The following CYP11A1 variants were observed in gnomAD, a reference collection of about 807,000 sequenced individuals.
CYP11A1 encodes cytochrome P450 family 11 subfamily A member 1.
Under a neutral mutation model 51.9 loss-of-function variants are expected in CYP11A1, and 25 were observed. The ratio of observed to expected loss-of-function variants is 0.48; its 90% CI spans 0.35 to 0.67. The LOEUF (loss-of-function observed/expected upper bound fraction) is 0.67, where lower values mean the gene tolerates loss of function less well. CYP11A1 is among the 30% of genes least tolerant of loss of function. The pLI is 0.00. For synonymous variants in CYP11A1, 245 were observed against 262.1 expected, an observed-to-expected ratio of 0.93 and a Z score of 0.63; for missense variants, 578 against 680.9, an observed-to-expected ratio of 0.85 and a Z score of 1.68.
chr15:74,347,566 A>T (rs751412396), intron 2 of CYP11A1, among the ~76,000 whole-genome samples: 1 of 152,180 alleles, frequency 6.6e-6, no homozygotes, highest in Non-Finnish European at 1.5e-5. Flanking sequence ...CTGTATCTCC[A>T]GTTCCTGGCA....
At position 74,345,145 on chromosome 15, in the gene CYP11A1, G is replaced by A; in HGVS notation, c.524C>T (p.Ser175Phe). ...KNFLPLLDAV[S>F]RDFVSVLHRR... ...GTGCAGGACACTGACGAAGTCCCGA[G>A]ACACTGCATCCAACAGGGGCAAAAA... Residue 175 changes from serine (S) to phenylalanine (F), a missense_variant, in exon 3 of 9, where the codon TCT becomes TTT. Transcript: ENST00000268053. This position sits in a 1 kb window ranked among gnomAD's most constrained non-coding sequence, Gnocchi z 4.3. The A allele has an allele frequency of 6.2e-7, 1 of 1,614,192 alleles. No homozygotes were observed. Among genetic ancestry groups the A allele is most frequent in the Non-Finnish European group, 8.5e-7 (1 of 1,180,036 alleles).
chr15:74,357,613 G>C (rs940805962), intron 1 of CYP11A1, among the ~76,000 whole-genome samples: 1 of 152,262 alleles, frequency 6.6e-6, no homozygotes, highest in South Asian at 2.1e-4. Context: ...AGCCCTAGAA[G>C]CTGCTCCCAC....
At chr15:74,359,994 T>C (rs2060699835) in intron 1 of CYP11A1, among the ~76,000 whole-genome samples, 1 of 152,250 alleles carries the variant, frequency 6.6e-6, no homozygotes, top group African/African-American at 2.4e-5. Context: ...TAATGCCTTT[T>C]AGTTCATGTG....
chr15:74,339,702 C>T lies in CYP11A1; in HGVS notation c.1042G>A (p.Val348Met), dbSNP rs2060597696. The T allele has an allele frequency of 1.9e-6, 3 of 1,614,132 alleles. No individual in the cohort carries two copies. Among genetic ancestry groups the T allele is most frequent in the Non-Finnish European group, 2.5e-6 (3 of 1,180,034 alleles). Residue 348 changes from valine (V) to methionine (M), a missense_variant, in exon 6 of 9, where the codon GTG becomes ATG. Transcript: ENST00000268053. ...HLYEMARNLK[V>M]QDMLRAEVLA... ...ACCTCTGCCCGCAGCATATCCTGCA[C>T]CTTCAGGTTGCGTGCCATCTCATAC...
chr15:74,340,832 A>G (rs901190076), intron 5 of CYP11A1, among the ~76,000 whole-genome samples: 2 of 151,902 alleles, frequency 1.3e-5, no homozygotes, highest in African/African-American at 4.8e-5. Flanking sequence ...CTGCTCCCCA[A>G]TACCCCACTC....
rs1031216597 is a variant in CYP11A1 at position 74,339,529 on chromosome 15, T to C, written c.1157+58A>G. ...TCCTCGTAACCCTTTCCCCGGGCACTTCCCTGGCCCTGCCCAGGGATTGGA... is the reference window on the plus strand; with the variant it reads ...TCCTCGTAACCCTTTCCCCGGGCACCTCCCTGGCCCTGCCCAGGGATTGGA... On this transcript the variant is annotated intron_variant, in intron 6 of 8. Coordinates refer to ENST00000268053, the MANE Select transcript of CYP11A1 (RefSeq NM_000781.3). 241 of 1,589,466 alleles carry C rather than the reference T, an allele frequency of 1.5e-4. 1 individual carries two copies. The highest frequency in any genetic ancestry group is 2.0e-4 in the Non-Finnish European group (232 of 1,162,522).
intron 5 of CYP11A1, among the ~76,000 whole-genome samples, chr15:74,341,198 A>C (rs1041760457): frequency 5.9e-5 from 9 of 152,208 alleles, no homozygotes; most frequent in African/African-American, 2.4e-5. Flanking sequence ...ATGAGGTAAC[A>C]TATGTAAACA....
rs543537667 is a variant in CYP11A1 at position 74,353,462 on chromosome 15, A to C, written c.270-5407T>G. 5.0e-4 allele frequency among the ~76,000 whole-genome samples: 76 copies of C among 152,320 alleles called. 1 individual carries two copies. The South Asian group carries it at 0.015, about 30-fold the overall frequency. On this transcript the variant is annotated intron_variant, in intron 1 of 8. Coordinates refer to ENST00000268053, the MANE Select transcript of CYP11A1 (RefSeq NM_000781.3). ...TTTAGTGTGGAACCAAATTCCACAT[A>C]CATGCTTACATTGCTTCATACTATG...
Position 74,361,472 on chromosome 15 carries a change from A to G in CYP11A1, c.269+5845T>C, listed in dbSNP as rs1184625683. The G allele has an allele frequency of 1.3e-5, 6 of 451,894 alleles. 1 individual carries two copies. The highest frequency in any genetic ancestry group is 1.3e-5 in the Non-Finnish European group (3 of 238,810). The allele number at this position is 451,894 out of a possible 1,614,324, so 28.0% of individuals were successfully genotyped here. On this transcript the variant is annotated intron_variant, in intron 1 of 8. Coordinates refer to ENST00000268053, the MANE Select transcript of CYP11A1 (RefSeq NM_000781.3). ...AGACTTTCATGTTAAACCAGCTAATACTGAAATTGTTTAAAATAGTTTATA... is the reference window on the plus strand; with the variant it reads ...AGACTTTCATGTTAAACCAGCTAATGCTGAAATTGTTTAAAATAGTTTATA...
At chr15:74,340,639 C>T (rs2060602218) in intron 5 of CYP11A1, among the ~76,000 whole-genome samples, 1 of 152,134 alleles carries the variant, frequency 6.6e-6, no homozygotes, top group Non-Finnish European at 1.5e-5. Context: ...ACATATGTTA[C>T]CTCGTTTAAT....
rs1309400038 is a variant in CYP11A1, at chr15:74,339,583, T to C, written c.1157+4A>G. On this transcript the variant is annotated splice_donor_region_variant and intron_variant, in intron 6 of 8. Coordinates refer to ENST00000268053, the MANE Select transcript of CYP11A1 (RefSeq NM_000781.3). ...GGGGGCGGCATGGGTGGTTGTGGGCTTGCCTTAGTGTCTCCTTGATGCTGG... is the reference window on the plus strand; with the variant it reads ...GGGGGCGGCATGGGTGGTTGTGGGCCTGCCTTAGTGTCTCCTTGATGCTGG... 3.7e-6 allele frequency: 6 copies of C among 1,613,090 alleles called. No individual in the cohort carries two copies. The highest frequency in any genetic ancestry group is 3.3e-5 in the Admixed American group (2 of 60,010).
rs1424340465 is a variant in CYP11A1 at position 74,342,978 on chromosome 15, G to A, written c.989C>T (p.Thr330Met). Reference protein sequence around the residue: ...VTEMLAGGVDTTSMTLQWHLY... With the variant: ...VTEMLAGGVDMTSMTLQWHLY... ...GTGCCGCCCCTACAGCCACCTCACCGTGTCCACCCCTCCTGCCAGCATCTC... is the reference window on the plus strand; with the variant it reads ...GTGCCGCCCCTACAGCCACCTCACCATGTCCACCCCTCCTGCCAGCATCTC... The change falls in exon 5 of 9, where the codon ACG becomes ATG. Residue 330 changes from threonine to methionine, a missense_variant and splice_region_variant. By Grantham distance (81) the Thr-to-Met change is moderately conservative. Transcript: ENST00000268053. The A allele has an allele frequency of 9.9e-6, 16 of 1,612,116 alleles. No homozygotes were observed. The highest frequency in any genetic ancestry group is 2.2e-5 in the East Asian group (1 of 44,886).
At chr15:74,344,076 C>T in intron 3 of CYP11A1, 84 bp from the exon 4 acceptor site, 1 of 1,097,748 alleles carries the variant, frequency 9.1e-7, no homozygotes, top group South Asian at 1.3e-5. Flanking sequence ...TCCACCCTCA[C>T]CTCCCTCAGC....
chr15:74,341,094 G>A (rs750751386), intron 5 of CYP11A1, among the ~76,000 whole-genome samples: 14 of 152,132 alleles, frequency 9.2e-5, no homozygotes, highest in Admixed American at 6.5e-5. Context: ...GTGTGACCTC[G>A]ACCAAGTTAT....
chr15:74,367,237 G>T, intron 1 of CYP11A1, 80 bp downstream of exon 1: 1 of 1,532,560 alleles, frequency 6.5e-7, no homozygotes, highest in Non-Finnish European at 9.0e-7. Flanking sequence ...CAGCCTGTTG[G>T]GGGAGTGGGG....
chr15:74,339,337 A>C, intron 6 of CYP11A1, 22 bp from the exon 7 acceptor site: 1 of 1,608,148 alleles, frequency 6.2e-7, no homozygotes, highest in Non-Finnish European at 8.5e-7. Flanking sequence ...GGGCACTCAG[A>C]AGCTGATGGC....
At chr15:74,338,881 G>A in intron 7 of CYP11A1, 113 bp from the exon 8 acceptor site, 6 of 972,156 alleles carry the variant, frequency 6.2e-6, no homozygotes, top group Non-Finnish European at 7.9e-6. Context: ...TCCCCAGCAT[G>A]GCTGCCCAGC....
At chr15:74,343,754 T>C in intron 4 of CYP11A1, 35 bp downstream of exon 4, 1 of 1,585,202 alleles carries the variant, frequency 6.3e-7, no homozygotes, top group East Asian at 2.2e-5. Flanking sequence ...GGCCTGGGGC[T>C]CCGAGGAGGA....
Position 74,343,066 on chromosome 15 carries a change from T to G in CYP11A1, c.901A>C (p.Ile301Leu). ...KGSVHHDYRG[I>L]LYRLLGDSKM... ...CTGTCTCCCAGGAGTCTGTAGAGGA[T>G]GCCACGGTAATCGTGGTGAACACTT... The change falls in exon 5 of 9, where the codon ATC becomes CTC. Residue 301 changes from isoleucine to leucine, a missense_variant. By Grantham distance (5) the Ile-to-Leu change is conservative. Transcript: ENST00000268053. 6.2e-7 allele frequency: 1 copy of G among 1,613,796 alleles called. No individual in the cohort carries two copies. Among genetic ancestry groups the G allele is most frequent in the Non-Finnish European group, 8.5e-7 (1 of 1,180,000 alleles).
Sources: gnomAD v4.1 joint callset for allele counts (sites outside exome capture counted in the v4.1 genomes callset) on GRCh38, gnomAD v4.1.1 for gene constraint, Gnocchi (gnomAD v3.1) non-coding constraint, MANE v1.5 for transcripts, NCBI Gene and HGNC (gene_info 2026-07-23, HGNC 2026-07-21) for gene names.